AGTPBP1: variants seen among roughly 807,000 people sequenced by gnomAD.
AGTPBP1 encodes the protein ATP/GTP binding carboxypeptidase 1.
A neutral mutation model predicts 143.9 loss-of-function variants in AGTPBP1; 70 were observed. That is an observed-to-expected ratio of 0.49 (90% CI 0.40 to 0.59). The LOEUF is 0.59. Among genes scored for constraint, AGTPBP1 ranks in the 20% least tolerant of loss-of-function variants. The pLI, the probability that AGTPBP1 is intolerant of heterozygous loss-of-function variation, is 0.00. For synonymous variants in AGTPBP1, 463 were observed against 500.2 expected (o/e 0.93, Z 0.99); for missense variants, 1,229 against 1,464.5 (o/e 0.84, Z 2.62).
intron 23 of AGTPBP1, among the ~76,000 whole-genome samples, chr9:85,579,890 T>A (rs1038142648): frequency 2.0e-5 from 3 of 151,266 alleles, no homozygotes; most frequent in African/African-American, 7.3e-5. Flanking sequence ...GAATATAAAC[T>A]TAAAATTAAT....
At chr9:85,765,292 C>G in the AGTPBP1 span, among the ~76,000 whole-genome samples, 2 of 152,100 alleles carry the variant, frequency 1.3e-5, no homozygotes, top group African/African-American at 4.8e-5. Context: ...ATATATATTT[C>G]TTGAAGGATA....
the AGTPBP1 span, among the ~76,000 whole-genome samples, chr9:85,767,160 C>A: frequency 6.9e-6 from 1 of 145,320 alleles, no homozygotes; most frequent in Admixed American, 6.8e-5. Context: ...TTTAATTTCT[C>A]ATTTTATGAT....
chr9:85,713,700 G>A (rs1267257746), intron 1 of AGTPBP1, among the ~76,000 whole-genome samples: 2 of 152,144 alleles, frequency 1.3e-5, no homozygotes, highest in Non-Finnish European at 2.9e-5. Context: ...TATTCTGGAT[G>A]TTTGTCTTCA....
Position 85,614,926 on chromosome 9 carries a change from T to A in AGTPBP1, c.2335+4057A>T, listed in dbSNP as rs917298987. Among the ~76,000 whole-genome samples, 28 of 152,158 alleles carry A rather than the reference T, an allele frequency of 1.8e-4. 1 individual carries two copies. Among genetic ancestry groups the A allele is most frequent in the African/African-American group, 6.8e-4 (28 of 41,462 alleles). The stretch of plus-strand genomic sequence containing the variant: ...TAATCTGTTTTTACTAACCTGACCA[T>A]TGTCTGTAACAGCCAAAACAGAGCA... On this transcript the variant is annotated intron_variant, in intron 17 of 25. Transcript: ENST00000357081.
chr9:85,642,891 C>G lies in AGTPBP1; in HGVS notation c.1238G>C (p.Gly413Ala). 1 of 1,613,528 alleles carries G rather than the reference C, an allele frequency of 6.2e-7. No homozygotes were observed. The highest frequency in any genetic ancestry group is 2.2e-5 in the East Asian group (1 of 44,794). ...INKLKPQQEP[G>A]RTIEDLKMYE... ...CATTTTTAGATCTTCTATTGTTCGT[C>G]CCGGTTCTTGCTGGGGTTTTAGTTT... is the stretch of plus-strand genomic sequence containing the variant. Residue 413 changes from glycine to alanine, a missense_variant, in exon 13 of 26, where the codon GGA becomes GCA. Physicochemically the swap from Gly to Ala is moderately conservative, Grantham distance 60 (BLOSUM62 0). This residue lies in a region of AGTPBP1 where 743 missense variants were observed against 812.2 expected (regional missense o/e 0.91). Coordinates refer to ENST00000357081, the MANE Select transcript of AGTPBP1 (RefSeq NM_001330701.2).
chr9:85,617,966 G>T (rs1395569526), intron 17 of AGTPBP1, among the ~76,000 whole-genome samples: 2 of 152,124 alleles, frequency 1.3e-5, no homozygotes, highest in Non-Finnish European at 2.9e-5. Flanking sequence ...CTAGCTGGGC[G>T]CACTGGCTCA....
At chr9:85,574,071 T>C (rs948417991) in intron 25 of AGTPBP1, among the ~76,000 whole-genome samples, 6 of 152,198 alleles carry the variant, frequency 3.9e-5, no homozygotes, top group Non-Finnish European at 7.3e-5. Flanking sequence ...GGATGGTTGC[T>C]GCGTCTGTGT....
At chr9:85,599,435 T>C (rs1829521319) in intron 17 of AGTPBP1, among the ~76,000 whole-genome samples, 1 of 152,184 alleles carries the variant, frequency 6.6e-6, no homozygotes, top group South Asian at 2.1e-4. Context: ...ACATTTTCTT[T>C]TCTTCCTTAA....
At chr9:85,749,276 C>A in the AGTPBP1 span, among the ~76,000 whole-genome samples, 1 of 152,060 alleles carries the variant, frequency 6.6e-6, no homozygotes, top group African/African-American at 2.4e-5. Context: ...ATTACAGGCA[C>A]AAGCCACCAC....
At chr9:85,599,090 C>T (rs181437162) in intron 17 of AGTPBP1, among the ~76,000 whole-genome samples, 77 of 148,142 alleles carry the variant, frequency 5.2e-4, no homozygotes, top group African/African-American at 1.8e-3. Context: ...TTCGTCCATT[C>T]GTTTTCAACC....
rs377421190 is a variant in AGTPBP1 at position 85,575,586 on chromosome 9, G to C, written c.3343-111C>G. ...ATAACTATATTAATAAAATTAAAAGGCTGGTACTTTGTATGGAACTAGGAC... is the reference window on the plus strand; with the variant it reads ...ATAACTATATTAATAAAATTAAAAGCCTGGTACTTTGTATGGAACTAGGAC... On this transcript the variant is annotated intron_variant, in intron 24 of 25. Transcript: ENST00000357081. The C allele has an allele frequency of 2.9e-3, 2,574 of 887,720 alleles. 97 individuals carry two copies. The South Asian group carries it at 0.057, about 20-fold the overall frequency. 55.0% of individuals were successfully genotyped at this position (887,720 alleles called of 1,614,324 possible). A position where few individuals can be genotyped will look rare whatever the true frequency, so the allele number is the denominator to read the frequency against.
intron 3 of AGTPBP1, among the ~76,000 whole-genome samples, chr9:85,690,317 C>T (rs1313894286): frequency 2.0e-5 from 3 of 152,194 alleles, no homozygotes; most frequent in Non-Finnish European, 2.9e-5. Flanking sequence ...CCTTTCACTA[C>T]CAACTTATAC....
At chr9:85,564,511 A>G (rs945376990) in intron 25 of AGTPBP1, among the ~76,000 whole-genome samples, 2 of 152,240 alleles carry the variant, frequency 1.3e-5, no homozygotes, top group East Asian at 1.9e-4. Context: ...TGTAATGCAT[A>G]TATGACAGTG....
the AGTPBP1 span, among the ~76,000 whole-genome samples, chr9:85,795,684 GGGTAA>G: frequency 9.9e-5 from 15 of 152,022 alleles, no homozygotes; most frequent in Non-Finnish European, 2.2e-4. Flanking sequence ...TAACTTTTAG[GGGTAA>G]GGTAAGTGAG....
the AGTPBP1 span, among the ~76,000 whole-genome samples, chr9:85,760,217 T>C: frequency 1.3e-5 from 2 of 152,142 alleles, no homozygotes; most frequent in African/African-American, 4.8e-5. Context: ...CCATTCCTTC[T>C]GAAACTATTC....
the AGTPBP1 span, among the ~76,000 whole-genome samples, chr9:85,760,939 T>G: frequency 6.6e-6 from 1 of 152,182 alleles, no homozygotes; most frequent in African/African-American, 2.4e-5. Flanking sequence ...ACAAAATCAG[T>G]GTGCAAAAAT....
Position 85,642,936 on chromosome 9 carries a change from T to C in AGTPBP1, c.1193A>G (p.Asp398Gly), listed in dbSNP as rs1237447389. 1.2e-6 allele frequency: 2 copies of C among 1,609,206 alleles called. No individual in the cohort carries two copies. Among genetic ancestry groups the C allele is most frequent in the South Asian group, 1.1e-5 (1 of 90,634 alleles). Residue 398 changes from aspartate to glycine, a missense_variant, in exon 13 of 26, where the codon GAT becomes GGT. Asp to Gly is a moderately conservative substitution (Grantham distance 94, BLOSUM62 -1). Around this residue, in one of 2 missense-constraint regions of AGTPBP1, gnomAD observed 743 missense variants for 812.2 expected, o/e 0.91. Coordinates refer to ENST00000357081, the MANE Select transcript of AGTPBP1 (RefSeq NM_001330701.2). ...TAGTTTGTTAATATCTGTTTCAATA[T>C]CATCATTCTGAAATGATAAAAAGAG... The part of the protein sequence containing the change: ...DDLDQNFKND[D>G]IETDINKLKP...
chr9:85,548,687 GT>G (rs1256786507), intron 25 of AGTPBP1, among the ~76,000 whole-genome samples: 1 of 149,358 alleles, frequency 6.7e-6, no homozygotes, highest in Non-Finnish European at 1.5e-5. Context: ...TTTTGTTTTT[GT>G]TTTTTGAGAC....
At chr9:85,661,657 A>G (rs1324637484) in intron 8 of AGTPBP1, among the ~76,000 whole-genome samples, 3 of 152,156 alleles carry the variant, frequency 2.0e-5, no homozygotes, top group Non-Finnish European at 2.9e-5. Context: ...GTAAATACTC[A>G]GTCACACATA....
Sources: allele counts gnomAD v4.1 joint callset (sites outside exome capture counted in the v4.1 genomes callset), GRCh38; gene constraint gnomAD v4.1.1; regional missense constraint gnomAD v4.1.1; transcripts MANE v1.5; gene names NCBI Gene and HGNC (gene_info 2026-07-23, HGNC 2026-07-21).